NELL1: variants seen among roughly 807,000 people sequenced by gnomAD.
The protein encoded by NELL1 is protein kinase C-binding protein NELL1.
In NELL1, 76 loss-of-function variants were observed where a neutral mutation model predicts 107.4. The observed-to-expected ratio is 0.71, with a 90% CI of 0.59 to 0.86. The LOEUF is 0.86. Among genes scored for constraint, NELL1 ranks in the 40% least tolerant of loss-of-function variants. The pLI, the probability that NELL1 is intolerant of heterozygous loss-of-function variation, is 0.00. For missense variants in NELL1, 1,024 were observed against 1,005.5 expected, an observed-to-expected ratio of 1.02 and a Z score of -0.25; for synonymous variants, 353 against 341.2, an observed-to-expected ratio of 1.03 and a Z score of -0.38.
chr11:21,537,812 A>G (rs1482120845), intron 16 of NELL1, among the ~76,000 whole-genome samples: 2 of 152,126 alleles, frequency 1.3e-5, no homozygotes, highest in Non-Finnish European at 2.9e-5. Flanking sequence ...TGATATAACT[A>G]GTTGTGTGGT....
intron 15 of NELL1, among the ~76,000 whole-genome samples, chr11:21,507,616 A>G (rs1855315285): frequency 6.6e-6 from 1 of 152,172 alleles, no homozygotes; most frequent in Admixed American, 6.5e-5. Context: ...GAAAGACTTT[A>G]TTTAATGAGC....
At chr11:21,026,541 C>T (rs1433159826) in intron 12 of NELL1, among the ~76,000 whole-genome samples, 3 of 152,082 alleles carry the variant, frequency 2.0e-5, no homozygotes, top group African/African-American at 7.2e-5. Context: ...GTCTAAAATA[C>T]TATCCAGTTT....
chr11:21,333,633 T>C (rs1850319941), intron 14 of NELL1, among the ~76,000 whole-genome samples: 1 of 152,004 alleles, frequency 6.6e-6, no homozygotes, highest in South Asian at 2.1e-4. Flanking sequence ...TCACCATGGG[T>C]TGTCGTCTAT....
rs1023790486 is a variant in NELL1, at chr11:21,498,479, T to C, written c.1646-35895T>C. ...TCTTAAAGAGACACATATTGATACA[T>C]ACATAGTTCTGATAATTTTTTTAAG... On this transcript the variant is annotated intron_variant, in intron 15 of 19. Coordinates refer to ENST00000357134, the MANE Select transcript of NELL1 (RefSeq NM_006157.5). Among the ~76,000 whole-genome samples, 3 of 150,888 alleles carry C rather than the reference T, an allele frequency of 2.0e-5. No individual in the cohort carries two copies. In the Admixed American group the frequency reaches 2.0e-4, roughly 10 times the overall value.
chr11:21,065,409 C>T (rs532272625), intron 12 of NELL1, among the ~76,000 whole-genome samples: 2 of 152,200 alleles, frequency 1.3e-5, no homozygotes, highest in South Asian at 4.1e-4. Flanking sequence ...TGCTCCTTGA[C>T]TCGATTTGCT....
At chr11:21,363,188 T>C (rs967187029) in intron 14 of NELL1, among the ~76,000 whole-genome samples, 4 of 152,166 alleles carry the variant, frequency 2.6e-5, no homozygotes, top group African/African-American at 9.7e-5. Flanking sequence ...CTTTCCCAAT[T>C]CCACTGGTTG....
chr11:20,918,275 T>C (rs1325365464), intron 6 of NELL1, 21 bp downstream of exon 6: 6 of 1,335,734 alleles, frequency 4.5e-6, no homozygotes, highest in Non-Finnish European at 5.4e-6. Context: ...ACTTAAAGCA[T>C]TGTGATATAT....
At chr11:20,934,452 T>C (rs1850681804) in intron 9 of NELL1, among the ~76,000 whole-genome samples, 1 of 152,166 alleles carries the variant, frequency 6.6e-6, no homozygotes, top group Non-Finnish European at 1.5e-5. Flanking sequence ...GGTGGATGTG[T>C]CTCCATGTGT....
chr11:20,947,578 CCT>C, intron 11 of NELL1, 143 bp downstream of exon 11: 1 of 627,702 alleles, frequency 1.6e-6, no homozygotes, highest in Non-Finnish European at 2.9e-6. Flanking sequence ...ATCCTATTTA[CCT>C]CTCTCAGTCA....
At chr11:20,917,240 G>A (rs572743793) in intron 5 of NELL1, among the ~76,000 whole-genome samples, 9 of 152,076 alleles carry the variant, frequency 5.9e-5, no homozygotes, top group Non-Finnish European at 1.2e-4. Context: ...TCCTTGAAGA[G>A]GAAGAGGTTA....
intron 5 of NELL1, among the ~76,000 whole-genome samples, chr11:20,910,785 C>T (rs920737579): frequency 6.6e-6 from 1 of 152,188 alleles, no homozygotes; most frequent in African/African-American, 2.4e-5. Flanking sequence ...AACTGGCAGA[C>T]AATATACTGT....
chr11:20,855,824 G>A (rs569642431), intron 4 of NELL1, among the ~76,000 whole-genome samples: 1 of 151,994 alleles, frequency 6.6e-6, no homozygotes, highest in Non-Finnish European at 1.5e-5. Flanking sequence ...TGTTGGAAAA[G>A]ATCATTGGGG....
chr11:20,983,044 A>C (rs891122089), intron 12 of NELL1, among the ~76,000 whole-genome samples: 1 of 152,160 alleles, frequency 6.6e-6, no homozygotes, highest in African/African-American at 2.4e-5. Flanking sequence ...AGACCTTCAG[A>C]TCAGTAAGAC....
chr11:20,768,068 C>G (rs1344301333), intron 2 of NELL1, among the ~76,000 whole-genome samples: 1 of 152,106 alleles, frequency 6.6e-6, no homozygotes, highest in Non-Finnish European at 1.5e-5. Context: ...GCCAGCCATG[C>G]AAAGATAATA....
chr11:21,192,201 ATATT>A (rs1193952683), intron 13 of NELL1, among the ~76,000 whole-genome samples: 5 of 151,900 alleles, frequency 3.3e-5, no homozygotes, highest in African/African-American at 1.2e-4. Context: ...AAGCACAATA[ATATT>A]TATTTAATTG....
At chr11:21,417,556 G>GAT (rs1442852102) in intron 15 of NELL1, among the ~76,000 whole-genome samples, 1 of 151,680 alleles carries the variant, frequency 6.6e-6, no homozygotes, top group East Asian at 1.9e-4. Flanking sequence ...AATCATCTGT[G>GAT]ATGTACCTAA....
intron 12 of NELL1, among the ~76,000 whole-genome samples, chr11:21,007,030 G>T (rs1215389865): frequency 6.6e-6 from 1 of 152,070 alleles, no homozygotes; most frequent in Non-Finnish European, 1.5e-5. Context: ...CAATCTAGAA[G>T]CAAATGTTGG....
At chr11:20,945,601 T>C (rs1397741632) in intron 10 of NELL1, among the ~76,000 whole-genome samples, 1 of 152,178 alleles carries the variant, frequency 6.6e-6, no homozygotes, top group African/African-American at 2.4e-5. Context: ...TATATTAATA[T>C]TGAAGGATAG....
intron 15 of NELL1, among the ~76,000 whole-genome samples, chr11:21,455,984 G>GT (rs34651725): frequency 0.89 from 135,183 of 151,450 alleles, 60,410 homozygotes; most frequent in East Asian, 0.98. Context: ...TGCCTCCCAG[G>GT]TCCAGCATTT....
Sources: allele counts gnomAD v4.1 joint callset (sites outside exome capture counted in the v4.1 genomes callset), GRCh38; gene constraint gnomAD v4.1.1; transcripts MANE v1.5; gene names NCBI Gene and HGNC (gene_info 2026-07-23, HGNC 2026-07-21).